VGLL4: variants seen among roughly 807,000 people sequenced by gnomAD.
VGLL4 encodes vestigial like family member 4, also known as transcription cofactor vestigial-like protein 4.
In VGLL4, 7 loss-of-function variants were observed where a neutral mutation model predicts 21.0. The ratio of observed to expected loss-of-function variants is 0.33; its 90% CI spans 0.19 to 0.63. VGLL4 has a LOEUF of 0.63. Ranked by LOEUF, VGLL4 falls within the 20% of genes least tolerant of loss-of-function variation. VGLL4 has a pLI of 0.78. For synonymous variants in VGLL4, 222 were observed against 173.2 expected, an observed-to-expected ratio of 1.28 and a Z score of -2.21; for missense variants, 394 against 425.7, an observed-to-expected ratio of 0.93 and a Z score of 0.66.
At chr3:11,675,583 T>C (rs567922299) in intron 2 of VGLL4, among the ~76,000 whole-genome samples, 5 of 152,290 alleles carry the variant, frequency 3.3e-5, no homozygotes, top group Admixed American at 1.3e-4. Context: ...AAGTGTAATA[T>C]ATAAGTTATC....
chr3:11,582,455 T>A, intron 2 of VGLL4: 1 of 1,312,572 alleles, frequency 7.6e-7, no homozygotes, highest in Non-Finnish European at 1.0e-6. Context: ...AGGGGCCTGC[T>A]TGCCCCCTGC....
At chr3:11,641,389 T>G (rs1197751075) in intron 1 of VGLL4, among the ~76,000 whole-genome samples, 7 of 152,194 alleles carry the variant, frequency 4.6e-5, no homozygotes, top group Admixed American at 4.6e-4. Context: ...GGAGCTGATA[T>G]GTTTAAAACG....
intron 2 of VGLL4, among the ~76,000 whole-genome samples, chr3:11,663,226 C>T (rs962447743): frequency 3.3e-5 from 5 of 152,168 alleles, no homozygotes; most frequent in African/African-American, 1.2e-4. Context: ...CCTGACTCTA[C>T]AGTGATGGAC....
chr3:11,636,190 T>C (rs2075583209), intron 1 of VGLL4, among the ~76,000 whole-genome samples: 1 of 152,336 alleles, frequency 6.6e-6, no homozygotes, highest in African/African-American at 2.4e-5. Flanking sequence ...ATCACTCCCT[T>C]AACTGTTATC....
chr3:11,677,262 A>G (rs1376416807), intron 2 of VGLL4, among the ~76,000 whole-genome samples: 1 of 152,084 alleles, frequency 6.6e-6, no homozygotes, highest in Non-Finnish European at 1.5e-5. Context: ...ATATTTTTTA[A>G]AAGAACAGAC....
At chr3:11,688,030 A>G (rs892039851) in intron 2 of VGLL4, among the ~76,000 whole-genome samples, 2 of 152,046 alleles carry the variant, frequency 1.3e-5, no homozygotes, top group Admixed American at 6.6e-5. Context: ...ACTTTTTTAG[A>G]CTTCTGTCAT....
intron 1 of VGLL4, among the ~76,000 whole-genome samples, chr3:11,638,864 C>A (rs911630503): frequency 1.3e-5 from 2 of 152,196 alleles, no homozygotes; most frequent in African/African-American, 4.8e-5. Context: ...CAGGGTCTCA[C>A]TGAACTCAGC....
chr3:11,588,594 C>T (rs1200103918), intron 2 of VGLL4, among the ~76,000 whole-genome samples: 2 of 152,382 alleles, frequency 1.3e-5, no homozygotes. Flanking sequence ...CAGGAGGGCA[C>T]TGCCGTGCAA....
intron 2 of VGLL4, among the ~76,000 whole-genome samples, chr3:11,666,320 A>T (rs1441645249): frequency 6.6e-6 from 1 of 151,608 alleles, no homozygotes; most frequent in Non-Finnish European, 1.5e-5. Flanking sequence ...AGGCAGGAGG[A>T]GGCCAGCGTG....
Position 11,559,390 on chromosome 3 carries a change from G to T in VGLL4, c.561C>A (p.Pro187=). 1 of 1,559,688 alleles carries T rather than the reference G, an allele frequency of 6.4e-7. No homozygotes were observed. The highest frequency in any genetic ancestry group is 1.4e-5 in the African/African-American group (1 of 73,796). Reference sequence around the variant, plus strand: ...GCGCGGCACAGCCGCTGTGCGCGATGGGGCAGTGCGAGAGGTTGCAGTTGC... The same window carrying T: ...GCGCGGCACAGCCGCTGTGCGCGATTGGGCAGTGCGAGAGGTTGCAGTTGC... The part of the protein sequence containing the change: ...GARNCNLSHC[P]IAHSGCAAPG... The change falls in exon 4 of 5, where the codon CCC becomes CCA. Residue 187 remains proline, a synonymous_variant. Transcript: ENST00000430365.
intron 1 of VGLL4, among the ~76,000 whole-genome samples, chr3:11,605,925 T>C (rs1373743565): frequency 6.6e-6 from 1 of 152,226 alleles, no homozygotes; most frequent in Non-Finnish European, 1.5e-5. Context: ...TAAATAGGCA[T>C]TTCCGAAGAG....
intron 1 of VGLL4, among the ~76,000 whole-genome samples, chr3:11,642,581 A>T (rs530490607): frequency 2.6e-5 from 4 of 152,334 alleles, no homozygotes; most frequent in Admixed American, 6.5e-5. Context: ...TCCCCCGGAG[A>T]TGCCCTCGGC....
chr3:11,625,704 C>T (rs934497933), intron 1 of VGLL4, among the ~76,000 whole-genome samples: 1 of 132,586 alleles, frequency 7.5e-6, no homozygotes, highest in Non-Finnish European at 1.6e-5. Context: ...GCTAGTATTG[C>T]TTCTTTAAAA....
chr3:11,714,155 C>A (rs1441350039), intron 1 of VGLL4, among the ~76,000 whole-genome samples: 2 of 152,168 alleles, frequency 1.3e-5, no homozygotes, highest in African/African-American at 4.8e-5. Flanking sequence ...AGGCTCTGGG[C>A]TGCAAAACCC....
upstream of VGLL4, chr3:11,721,754 A>G (rs1477092420): frequency 6.6e-6 from 1 of 152,244 alleles, no homozygotes; most frequent in Non-Finnish European, 1.5e-5. Flanking sequence ...TTTGAATCCA[A>G]ACTCCGCCTC....
chr3:11,564,727 G>A (rs760377292), intron 3 of VGLL4, 70 bp downstream of exon 3: 44 of 1,446,882 alleles, frequency 3.0e-5, no homozygotes, highest in African/African-American at 2.9e-4. Context: ...TCCTCTGCTC[G>A]GGGCTCTCCA....
Position 11,581,356 on chromosome 3 carries a change from C to T in VGLL4, c.273-16337G>A, listed in dbSNP as rs1318305577. ...TTCTGAGATTACAGACGTGAGCCACCGTGCCCAGCCATGCAACTTCTCTTT... is the reference window on the plus strand; with the variant it reads ...TTCTGAGATTACAGACGTGAGCCACTGTGCCCAGCCATGCAACTTCTCTTT... On this transcript the variant is annotated intron_variant, in intron 2 of 4. Coordinates refer to ENST00000430365, the MANE Select transcript of VGLL4 (RefSeq NM_001128219.3). 3.9e-5 allele frequency among the ~76,000 whole-genome samples: 6 copies of T among 152,282 alleles called. No individual in the cohort carries two copies. In the South Asian group the frequency reaches 6.2e-4, roughly 16 times the overall value.
Position 11,558,592 on chromosome 3 carries a change from C to A in VGLL4, c.855G>T (p.Met285Ile). The A allele has an allele frequency of 6.2e-7, 1 of 1,604,972 alleles. No individual in the cohort carries two copies. Residue 285 changes from methionine (M) to isoleucine (I), a missense_variant, in exon 5 of 5, where the codon ATG (methionine) becomes ATT (isoleucine). Transcript: ENST00000430365. ...CAGAGGGGGAGTGACTGTGGCTGAC[C>A]ATGTGGGCAGAGGGGCTGGCGGGCT... ...RGQPASPSAH[M>I]VSHSHSPSVV...
At chr3:11,695,772 G>C (rs1416823005) in intron 2 of VGLL4, among the ~76,000 whole-genome samples, 2 of 152,148 alleles carry the variant, frequency 1.3e-5, no homozygotes, top group African/African-American at 4.8e-5. Flanking sequence ...ATAGCAGCGA[G>C]CCACTCTTAT....
Sources: gnomAD v4.1 joint callset for allele counts (sites outside exome capture counted in the v4.1 genomes callset) on GRCh38, gnomAD v4.1.1 for gene constraint, MANE v1.5 for transcripts, NCBI Gene and HGNC (gene_info 2026-07-23, HGNC 2026-07-21) for gene names.